NAALADL1: variants seen among roughly 807,000 people sequenced by gnomAD.
The protein encoded by NAALADL1 is aminopeptidase NAALADL1.
A neutral mutation model predicts 82.8 loss-of-function variants in NAALADL1; 77 were observed. That is an observed-to-expected ratio of 0.93 (90% confidence interval 0.77 to 1.12). The LOEUF (loss-of-function observed/expected upper bound fraction) is 1.12. Among genes scored for constraint, NAALADL1 ranks in the 50% most tolerant of loss-of-function variants. The pLI, the probability that NAALADL1 is intolerant of heterozygous loss-of-function variation, is 0.00. For missense variants in NAALADL1, 956 were observed against 964.0 expected, an observed-to-expected ratio of 0.99 and a Z score of 0.11; for synonymous variants, 358 against 399.2, an observed-to-expected ratio of 0.90 and a Z score of 1.23.
chr11:65,060,151 C>CTGTGT (rs1947159237), upstream of NAALADL1, among the ~76,000 whole-genome samples: 2 of 150,874 alleles, frequency 1.3e-5, no homozygotes, highest in African/African-American at 4.9e-5. Flanking sequence ...TGTGTGTGCA[C>CTGTGT]GTGCATGTGT....
chr11:65,050,217 G>A lies in NAALADL1; in HGVS notation c.1199-1832C>T, dbSNP rs188514252. On this transcript the variant is annotated intron_variant, in intron 8 of 17. Coordinates refer to ENST00000358658, the MANE Select transcript of NAALADL1 (RefSeq NM_005468.3). ...TGTGGGGGCTGGCGCGGTGACTCAC[G>A]CCTGTAATCCCAGCACTTTGGGAGG... is the stretch of plus-strand genomic sequence containing the variant. Among the ~76,000 whole-genome samples, 522 of 151,782 alleles carry A rather than the reference G, an allele frequency of 3.4e-3. 3 individuals carry two copies. The highest frequency in any genetic ancestry group is 0.011 in the African/African-American group (458 of 41,478).
Position 65,054,777 on chromosome 11 carries a change from CG to C in NAALADL1, c.604-40del, listed in dbSNP as rs767356639. 1 of 1,597,178 alleles carries C rather than the reference CG, an allele frequency of 6.3e-7. No individual in the cohort carries two copies. ...AGGAGGCTGTGTGTAAGGGAGGGACCGGGACCAGATATGTCCTATTCCTCTT... is the reference window on the plus strand; with the variant it reads ...AGGAGGCTGTGTGTAAGGGAGGGACCGGACCAGATATGTCCTATTCCTCTT... On this transcript the variant is annotated intron_variant, in intron 4 of 17. Transcript: ENST00000358658. The surrounding 1 kb of genome is among the most constrained non-coding windows in gnomAD (Gnocchi z 4.3).
chr11:65,054,618 A>C lies in NAALADL1; in HGVS notation c.724T>G (p.Ser242Ala). Residue 242 changes from serine to alanine, a missense_variant, in exon 5 of 18, where the codon TCA (serine) becomes GCA (alanine). Transcript: ENST00000358658. The surrounding 1 kb of genome is among the most constrained non-coding windows in gnomAD (Gnocchi z 4.3). ...TFPNSWYLPP[S>A]GVERGSYYEY... ...TAGTAGGAGCCTCGCTCCACTCCTG[A>C]GGGGGGCAGGTACCAGGAGTTGGGA... is the stretch of plus-strand genomic sequence containing the variant. 1 of 1,613,886 alleles carries C rather than the reference A, an allele frequency of 6.2e-7. No homozygotes were observed. Among genetic ancestry groups the C allele is most frequent in the Non-Finnish European group, 8.5e-7 (1 of 1,179,894 alleles).
At chr11:65,057,326 C>A in intron 4 of NAALADL1, 45 bp downstream of exon 4, 2 of 1,567,526 alleles carry the variant, frequency 1.3e-6, no homozygotes, top group South Asian at 1.2e-5. Flanking sequence ...CACTGCCCAG[C>A]CCCTTCCTCA....
chr11:65,051,133 AT>A, intron 8 of NAALADL1, among the ~76,000 whole-genome samples: 1 of 152,178 alleles, frequency 6.6e-6, no homozygotes, highest in East Asian at 1.9e-4. Flanking sequence ...AAACAAAAAA[AT>A]ATGGGAATTT....
upstream of NAALADL1, among the ~76,000 whole-genome samples, chr11:65,059,795 G>A (rs1356506454): frequency 6.6e-6 from 1 of 152,214 alleles, no homozygotes; most frequent in Non-Finnish European, 1.5e-5. Flanking sequence ...TAAGTGCCCT[G>A]TAGAGGGAGG....
At chr11:65,045,762 T>TG in intron 17 of NAALADL1, 60 bp downstream of exon 17, 1 of 1,503,062 alleles carries the variant, frequency 6.7e-7, no homozygotes, top group Non-Finnish European at 9.2e-7. Flanking sequence ...TCGTCTCAGG[T>TG]GGGGAGCCAT....
chr11:65,054,323 A>G lies in NAALADL1; in HGVS notation c.919T>C (p.Trp307Arg), dbSNP rs140919277. The change falls in exon 6 of 18, where the codon TGG (tryptophan) becomes CGG (arginine). Residue 307 changes from tryptophan to arginine, a missense_variant. Physicochemically the swap from Trp to Arg is moderately radical, Grantham distance 101. Transcript: ENST00000358658. This position sits in a 1 kb window ranked among gnomAD's most constrained non-coding sequence, Gnocchi z 4.3. ...TAGTGGCAGCCCAGTGCTCCCTGCC[A>G]GGTGGCTGGGGCCAAAGTTCCGTTG... Reference protein sequence around the residue: ...NLNGTLAPATWQGALGCHYRL... With the variant: ...NLNGTLAPATRQGALGCHYRL... The G allele has an allele frequency of 1.9e-5, 30 of 1,614,002 alleles. No homozygotes were observed. Among genetic ancestry groups the G allele is most frequent in the Non-Finnish European group, 2.4e-5 (28 of 1,180,014 alleles).
rs1946932028 is a variant in NAALADL1 at position 65,053,097 on chromosome 11, T to A, written c.1198+121A>T. The A allele has an allele frequency of 2.3e-5, 29 of 1,274,762 alleles. No individual in the cohort carries two copies. Among genetic ancestry groups the A allele is most frequent in the Non-Finnish European group, 2.9e-5 (27 of 943,856 alleles). The allele number at this position is 1,274,762 out of a possible 1,614,324, so 79.0% of individuals were successfully genotyped here. ...CAGGCCAAGGCTGGTGTCATGCATG[T>A]CTGCCCCCAGGGCCCTCAGGCATGG... is the stretch of plus-strand genomic sequence containing the variant. On this transcript the variant is annotated intron_variant, in intron 8 of 17. Transcript: ENST00000358658. This position sits in a 1 kb window ranked among gnomAD's most constrained non-coding sequence, Gnocchi z 4.3.
chr11:65,056,812 G>A (rs921910384), intron 4 of NAALADL1, among the ~76,000 whole-genome samples: 1 of 149,056 alleles, frequency 6.7e-6, no homozygotes, highest in African/African-American at 2.6e-5. Context: ...CTGCCTCCCA[G>A]GTTCAAGCAG....
At chr11:65,057,592 C>A in intron 3 of NAALADL1, 99 bp from the exon 4 acceptor site, 5 of 1,456,304 alleles carry the variant, frequency 3.4e-6, no homozygotes, top group Non-Finnish European at 4.6e-6. Flanking sequence ...AATTTAGATT[C>A]TGTTCCCCCA....
At position 65,046,278 on chromosome 11, in the gene NAALADL1, A is replaced by T. The variant is rs199545709; in HGVS notation, c.1766T>A (p.Val589Asp). 1 of 1,614,110 alleles carries T rather than the reference A, an allele frequency of 6.2e-7. No homozygotes were observed. The highest frequency in any genetic ancestry group is 1.7e-5 in the Admixed American group (1 of 60,016). ...LSDSFFLPLK[V>D]SDYSETLRSF... The stretch of plus-strand genomic sequence containing the variant: ...GCGGAGTGTCTCACTGTAGTCACTG[A>T]CTTTGAGGGGCAGGAAGAAGCTGTC... The change falls in exon 15 of 18, where the codon GTC becomes GAC. Residue 589 changes from valine (V) to aspartate (D), a missense_variant. Physicochemically the swap from Val to Asp is radical, Grantham distance 152. Transcript: ENST00000358658.
chr11:65,059,704 T>G (rs139844285), upstream of NAALADL1, among the ~76,000 whole-genome samples: 109 of 152,312 alleles, frequency 7.2e-4, no homozygotes, highest in Middle Eastern at 6.8e-3. Flanking sequence ...GTTCATTCTG[T>G]GCTATACTAG....
In NAALADL1 at chr11:65,053,061, C is replaced by T. The variant is rs1286133467; in HGVS notation, c.1198+157G>A. ...CCCACAGTCTATTCCCTGTACCACA[C>T]TGGGCTGCTGCAGGCCAAGGCTGGT... On this transcript the variant is annotated intron_variant, in intron 8 of 17. Coordinates refer to ENST00000358658, the MANE Select transcript of NAALADL1 (RefSeq NM_005468.3). The surrounding 1 kb of genome is among the most constrained non-coding windows in gnomAD (Gnocchi z 4.3). 6.6e-6 allele frequency among the ~76,000 whole-genome samples: 1 copy of T among 152,266 alleles called. No homozygotes were observed. The highest frequency in any genetic ancestry group is 2.4e-5 in the African/African-American group (1 of 41,468).
rs1590759276 is a variant in NAALADL1 at position 65,048,294 on chromosome 11, A to G, written c.1284+6T>C. 2 of 1,613,912 alleles carry G rather than the reference A, an allele frequency of 1.2e-6. No individual in the cohort carries two copies. Among genetic ancestry groups the G allele is most frequent in the South Asian group, 2.2e-5 (2 of 91,072 alleles). ...TTTCGATCCCCTACCCTGTAGGGCC[A>G]CTCACTTCTGTGAATTCCGTGGAGC... On this transcript the variant is annotated splice_donor_region_variant and intron_variant, in intron 9 of 17. Transcript: ENST00000358658.
rs758161331 is a variant in NAALADL1, at chr11:65,046,372, G to A, written c.1682-10C>T. On this transcript the variant is annotated splice_polypyrimidine_tract_variant and intron_variant, in intron 14 of 17. Transcript: ENST00000358658. Reference sequence around the variant, plus strand: ...TGATGGCTGCTGAAGCCTGCGGCAAGGTGACAAGGCCAGGGCTCAGTCTTC... The same window carrying A: ...TGATGGCTGCTGAAGCCTGCGGCAAAGTGACAAGGCCAGGGCTCAGTCTTC... 6.2e-7 allele frequency: 1 copy of A among 1,614,216 alleles called. No homozygotes were observed. Among genetic ancestry groups the A allele is most frequent in the Non-Finnish European group, 8.5e-7 (1 of 1,180,032 alleles).
chr11:65,060,125 T>A (rs1947157098), upstream of NAALADL1, among the ~76,000 whole-genome samples: 1 of 146,516 alleles, frequency 6.8e-6, no homozygotes, highest in Admixed American at 6.8e-5. Flanking sequence ...GGGCAGAGCG[T>A]GTGTGTGTGT....
Position 65,053,378 on chromosome 11 carries a change from G to A in NAALADL1, c.1079-41C>T. ...GGGGCAGAGAACCAGAGGAGAGGGAGAGGTGGGCAGGGGGAGCTGGGCTGG... is the reference window on the plus strand; with the variant it reads ...GGGGCAGAGAACCAGAGGAGAGGGAAAGGTGGGCAGGGGGAGCTGGGCTGG... On this transcript the variant is annotated intron_variant, in intron 7 of 17. Transcript: ENST00000358658. This position sits in a 1 kb window ranked among gnomAD's most constrained non-coding sequence, Gnocchi z 4.3. 1 of 1,609,710 alleles carries A rather than the reference G, an allele frequency of 6.2e-7. No homozygotes were observed. The highest frequency in any genetic ancestry group is 8.5e-7 in the Non-Finnish European group (1 of 1,178,040).
chr11:65,052,740 C>T (rs894045870), intron 8 of NAALADL1, among the ~76,000 whole-genome samples: 1 of 152,204 alleles, frequency 6.6e-6, no homozygotes, highest in Non-Finnish European at 1.5e-5. Flanking sequence ...TCTGCCACCT[C>T]GCCCAGCCCT....
Sources: allele counts gnomAD v4.1 joint callset (sites outside exome capture counted in the v4.1 genomes callset), GRCh38; gene constraint gnomAD v4.1.1; non-coding constraint Gnocchi (gnomAD v3.1); transcripts MANE v1.5; gene names NCBI Gene and HGNC (gene_info 2026-07-23, HGNC 2026-07-21).